The following NAALADL2 variants were observed in gnomAD, a reference collection of about 807,000 sequenced individuals.
The protein encoded by NAALADL2 is N-acetylated alpha-linked acidic dipeptidase like 2.
A neutral mutation model predicts 87.2 loss-of-function variants in NAALADL2; 76 were observed. The observed-to-expected ratio is 0.87, with a 90% CI of 0.72 to 1.05. The LOEUF is 1.05. Ranked by LOEUF, NAALADL2 falls within the 50% of genes least tolerant of loss-of-function variation. The pLI is 0.00. For synonymous variants in NAALADL2, 354 were observed against 331.0 expected, an observed-to-expected ratio of 1.07 and a Z score of -0.75; for missense variants, 1,089 against 945.8, an observed-to-expected ratio of 1.15 and a Z score of -1.99.
At chr3:175,363,726 A>C (rs73184795) in intron 5 of NAALADL2, among the ~76,000 whole-genome samples, 17,889 of 147,710 alleles carry the variant, frequency 0.12, 2,853 homozygotes, top group Non-Finnish European at 0.18. Context: ...CTATTCTTTA[A>C]AATATCTATA....
chr3:175,693,616 A>G (rs189278676), intron 11 of NAALADL2, among the ~76,000 whole-genome samples: 250 of 152,288 alleles, frequency 1.6e-3, no homozygotes, highest in Non-Finnish European at 2.5e-3. Context: ...TATCATAGGT[A>G]GCTCCATTTA....
At chr3:174,892,356 G>A (rs903936499) in intron 1 of NAALADL2, among the ~76,000 whole-genome samples, 3 of 152,140 alleles carry the variant, frequency 2.0e-5, no homozygotes, top group Non-Finnish European at 2.9e-5. Context: ...AATTCTATCC[G>A]ATAAATTAAA....
At chr3:175,221,924 A>G (rs1560185342) in intron 2 of NAALADL2, among the ~76,000 whole-genome samples, 1 of 151,896 alleles carries the variant, frequency 6.6e-6, no homozygotes, top group Non-Finnish European at 1.5e-5. Flanking sequence ...ACTGGTGCTC[A>G]CCACCACACC....
At chr3:174,915,239 G>A (rs1734216036) in intron 1 of NAALADL2, among the ~76,000 whole-genome samples, 1 of 152,046 alleles carries the variant, frequency 6.6e-6, no homozygotes, top group Non-Finnish European at 1.5e-5. Flanking sequence ...CAGCAGAGGA[G>A]GTGTCATATT....
At chr3:175,569,120 G>A (rs897047631) in intron 9 of NAALADL2, among the ~76,000 whole-genome samples, 3 of 152,116 alleles carry the variant, frequency 2.0e-5, no homozygotes, top group Admixed American at 6.5e-5. Flanking sequence ...GGATCTCAGG[G>A]TAAGAACCCT....
upstream of NAALADL2, among the ~76,000 whole-genome samples, chr3:174,856,286 G>A (rs141705033): frequency 1.3e-5 from 2 of 152,082 alleles, no homozygotes; most frequent in Non-Finnish European, 1.5e-5. Context: ...GATTACAGTC[G>A]TGAGCTCCTG....
At chr3:175,450,141 T>G (rs1721344900) in intron 6 of NAALADL2, among the ~76,000 whole-genome samples, 1 of 152,080 alleles carries the variant, frequency 6.6e-6, no homozygotes, top group East Asian at 1.9e-4. Flanking sequence ...CCCCTTACCC[T>G]AATGTTTTGG....
At chr3:175,800,247 C>T (rs1753988319) in intron 13 of NAALADL2, among the ~76,000 whole-genome samples, 1 of 152,108 alleles carries the variant, frequency 6.6e-6, no homozygotes, top group Non-Finnish European at 1.5e-5. Flanking sequence ...AGAGCTTCTA[C>T]ACTCCACAAG....
intron 4 of NAALADL2, among the ~76,000 whole-genome samples, chr3:175,293,536 C>G (rs993608622): frequency 6.6e-6 from 1 of 152,092 alleles, no homozygotes; most frequent in Admixed American, 6.6e-5. Context: ...TGTCTGCCCC[C>G]CTCCAAATTC....
chr3:175,534,005 A>T (rs1476066776), intron 9 of NAALADL2, among the ~76,000 whole-genome samples: 1 of 151,888 alleles, frequency 6.6e-6, no homozygotes, highest in Non-Finnish European at 1.5e-5. Flanking sequence ...TGAGCAGTGA[A>T]TCAGGAGTGT....
intron 9 of NAALADL2, among the ~76,000 whole-genome samples, chr3:175,481,832 C>A (rs1410460332): frequency 6.6e-6 from 1 of 151,898 alleles, no homozygotes; most frequent in East Asian, 1.9e-4. Flanking sequence ...GCAAAAGAAT[C>A]TAGACACAGA....
chr3:174,945,871 C>T lies in NAALADL2; in HGVS notation c.43+86421C>T, dbSNP rs1579659997. On this transcript the variant is annotated intron_variant, in intron 1 of 13. Coordinates refer to ENST00000454872, the MANE Select transcript of NAALADL2 (RefSeq NM_207015.3). ...GACCATCCTGGCTAACACGGTGAAACCAGTCTCTACTAAAAATACAAAATA... is the reference window on the plus strand; with the variant it reads ...GACCATCCTGGCTAACACGGTGAAATCAGTCTCTACTAAAAATACAAAATA... Among the ~76,000 whole-genome samples the T allele has an allele frequency of 5.3e-5, 8 of 151,772 alleles. No homozygotes were observed. The South Asian group carries it at 1.7e-3, about 32-fold the overall frequency.
chr3:175,501,993 CA>C (rs1351241103), intron 9 of NAALADL2, among the ~76,000 whole-genome samples: 2 of 151,844 alleles, frequency 1.3e-5, no homozygotes, highest in Non-Finnish European at 1.5e-5. Context: ...ATAGTAAGAT[CA>C]AAAAGGGCTG....
chr3:175,257,039 T>C (rs1026959575), intron 4 of NAALADL2: 1 of 152,140 alleles, frequency 6.6e-6, no homozygotes, highest in Non-Finnish European at 1.5e-5. Context: ...TAAAATATAA[T>C]TGCTAAGAGT....
chr3:174,589,472 A>G (rs1717120231), intron 2 of NAALADL2, among the ~76,000 whole-genome samples: 1 of 152,184 alleles, frequency 6.6e-6, no homozygotes, highest in Non-Finnish European at 1.5e-5. Flanking sequence ...GGAGCTGTAG[A>G]CTGGAGCTGT....
chr3:174,694,977 C>T (rs1040824501), intron 2 of NAALADL2, among the ~76,000 whole-genome samples: 3 of 151,924 alleles, frequency 2.0e-5, no homozygotes, highest in Non-Finnish European at 4.4e-5. Context: ...AGATTAGAAG[C>T]AAGGAATTCA....
chr3:175,367,739 C>T (rs1765829619), intron 5 of NAALADL2, among the ~76,000 whole-genome samples: 1 of 152,128 alleles, frequency 6.6e-6, no homozygotes, highest in Non-Finnish European at 1.5e-5. Flanking sequence ...TGCTTATCAG[C>T]TTAAGGAGAT....
chr3:175,573,504 G>A (rs1479709113), intron 9 of NAALADL2, among the ~76,000 whole-genome samples: 1 of 152,224 alleles, frequency 6.6e-6, no homozygotes, highest in African/African-American at 2.4e-5. Flanking sequence ...TGAGACACTA[G>A]TGATGGATGT....
At position 175,025,765 on chromosome 3, in the gene NAALADL2, T is replaced by G. The variant is rs117034390; in HGVS notation, c.44-71025T>G. ...CAAATATGTATTCACCATCCCTCCA[T>G]CTTGGTTTCATCTCTGTTTAGCCAT... On this transcript the variant is annotated intron_variant, in intron 1 of 13. Coordinates refer to ENST00000454872, the MANE Select transcript of NAALADL2 (RefSeq NM_207015.3). Among the ~76,000 whole-genome samples the G allele has an allele frequency of 3.3e-3, 508 of 152,218 alleles. 23 individuals carry two copies. The East Asian group carries it at 0.081, about 24-fold the overall frequency.
Sources: allele counts gnomAD v4.1 joint callset (sites outside exome capture counted in the v4.1 genomes callset), GRCh38; gene constraint gnomAD v4.1.1; transcripts MANE v1.5; gene names NCBI Gene and HGNC (gene_info 2026-07-23, HGNC 2026-07-21).